LOXHD1: variants seen among roughly 807,000 people sequenced by gnomAD.
LOXHD1 encodes the protein lipoxygenase homology PLAT domains 1, also known as lipoxygenase homology domain-containing protein 1.
Under a neutral mutation model 248.2 loss-of-function variants are expected in LOXHD1, and 205 were observed. The ratio of observed to expected loss-of-function variants is 0.83; its 90% confidence interval spans 0.74 to 0.93. The LOEUF is 0.93. Among genes scored for constraint, LOXHD1 ranks in the 40% least tolerant of loss-of-function variants. The probability of loss-of-function intolerance (pLI) is 0.00; values close to 1 mark genes in which losing one functional copy is unlikely to be tolerated. For synonymous variants in LOXHD1, 1,113 were observed against 1,162.8 expected (o/e 0.96, Z 0.87); for missense variants, 2,930 against 2,971.6 (o/e 0.99, Z 0.33).
intron 34 of LOXHD1, among the ~76,000 whole-genome samples, chr18:46,513,537 G>T (rs544884669): frequency 2.2e-4 from 33 of 152,316 alleles, no homozygotes; most frequent in African/African-American, 7.5e-4. Flanking sequence ...AAAGAGGTGG[G>T]ATGTGAAGAT....
chr18:46,485,299 TG>T, intron 38 of LOXHD1, 148 bp from the exon 39 acceptor site: 1 of 824,772 alleles, frequency 1.2e-6, no homozygotes, highest in South Asian at 2.0e-5. Flanking sequence ...GCACCACGAT[TG>T]AGGCGTTGTA....
chr18:46,559,624 G>A (rs1158214284), intron 19 of LOXHD1, 22 bp from the exon 20 acceptor site: 2 of 1,550,364 alleles, frequency 1.3e-6, no homozygotes, highest in East Asian at 2.4e-5. Flanking sequence ...GAAAGATGCA[G>A]TGTGGAGGGC....
intron 4 of LOXHD1, among the ~76,000 whole-genome samples, chr18:46,622,810 G>A (rs1196591173): frequency 6.6e-6 from 1 of 152,194 alleles, no homozygotes; most frequent in African/African-American, 2.4e-5. Context: ...GAGGCGGCGT[G>A]GTCTGGGGTT....
Position 46,639,756 on chromosome 18 carries a change from T to G in LOXHD1, c.371A>C (p.Asp124Ala). Reference sequence around the variant, plus strand: ...CTTCATGTCGGTCACAATCACATGGTCCAGGTACCAGCTGGCATTCAAGCC... The same window carrying G: ...CTTCATGTCGGTCACAATCACATGGGCCAGGTACCAGCTGGCATTCAAGCC... ...NTGLNASWYL[D>A]HVIVTDMKRP... The change falls in exon 4 of 41, where the codon GAC becomes GCC. Residue 124 changes from aspartate (D) to alanine (A), a missense_variant. Asp to Ala is a moderately radical substitution (Grantham distance 126). Coordinates refer to ENST00000642948, the MANE Select transcript of LOXHD1 (RefSeq NM_001384474.1). 2 of 1,551,662 alleles carry G rather than the reference T, an allele frequency of 1.3e-6. No individual in the cohort carries two copies. The highest frequency in any genetic ancestry group is 1.7e-6 in the Non-Finnish European group (2 of 1,147,004).
At position 46,563,088 on chromosome 18, in the gene LOXHD1, G is replaced by T; in HGVS notation, c.2575C>A (p.Arg859=). ...ACCTGGAATGTGTCCTTGGACGCCC[G>T]TTCAAAAACTTTTGAGCGGCTGGAG... ...FLSSRSKVFE[R]ASKDTFQLEA... is the part of the protein sequence containing the mutation. The change falls in exon 18 of 41, where the codon CGG becomes AGG. Residue 859 remains arginine, a synonymous_variant. Transcript: ENST00000642948. 6.5e-7 allele frequency: 1 copy of T among 1,544,708 alleles called. No homozygotes were observed. Among genetic ancestry groups the T allele is most frequent in the Non-Finnish European group, 8.8e-7 (1 of 1,141,146 alleles).
intron 40 of LOXHD1, 100 bp from the exon 41 acceptor site, chr18:46,478,052 T>A: frequency 7.1e-7 from 1 of 1,402,264 alleles, no homozygotes; most frequent in Non-Finnish European, 9.5e-7. Flanking sequence ...AAATGATCCC[T>A]TCCCAAGGTG....
chr18:46,482,912 A>T (rs901370359), intron 40 of LOXHD1, among the ~76,000 whole-genome samples: 1 of 151,648 alleles, frequency 6.6e-6, no homozygotes, highest in South Asian at 2.1e-4. Flanking sequence ...TCCCCTTTCC[A>T]CCCTCCCCTG....
intron 37 of LOXHD1, among the ~76,000 whole-genome samples, chr18:46,500,961 A>G (rs1481412409): frequency 1.3e-5 from 2 of 152,050 alleles, no homozygotes; most frequent in Non-Finnish European, 2.9e-5. Flanking sequence ...CATCCTGTGG[A>G]CCTCCATTTT....
At chr18:46,631,912 A>G (rs1444059731) in intron 4 of LOXHD1, among the ~76,000 whole-genome samples, 2 of 152,112 alleles carry the variant, frequency 1.3e-5, no homozygotes, top group Non-Finnish European at 2.9e-5. Context: ...TCCACTTCCA[A>G]CGGGTCCCTT....
At chr18:46,544,741 C>A in intron 23 of LOXHD1, 1 of 459,450 alleles carries the variant, frequency 2.2e-6, no homozygotes, top group Non-Finnish European at 4.5e-6. Flanking sequence ...TCAGAGTCTC[C>A]ATGCTCTCTA....
At chr18:46,519,536 T>C (rs997164382) in intron 33 of LOXHD1, among the ~76,000 whole-genome samples, 5 of 152,182 alleles carry the variant, frequency 3.3e-5, no homozygotes, top group Non-Finnish European at 7.3e-5. Context: ...GAAGAGCCTC[T>C]TGCTTTACCA....
intron 37 of LOXHD1, among the ~76,000 whole-genome samples, chr18:46,495,632 C>T (rs1393260530): frequency 6.6e-6 from 1 of 152,126 alleles, no homozygotes; most frequent in African/African-American, 2.4e-5. Flanking sequence ...CATTGTATTC[C>T]TCACAGACTT....
chr18:46,616,082 T>C (rs889126089), intron 5 of LOXHD1, among the ~76,000 whole-genome samples: 1 of 152,212 alleles, frequency 6.6e-6, no homozygotes, highest in Non-Finnish European at 1.5e-5. Context: ...CTGTATCATA[T>C]ACTGTATTTA....
At chr18:46,477,130 T>A (rs1439116037), downstream of LOXHD1, 11 of 717,678 alleles carry the variant, frequency 1.5e-5, no homozygotes, top group East Asian at 1.3e-4. Flanking sequence ...AAATACACCA[T>A]CTTGATGGCC....
chr18:46,604,348 G>C, intron 6 of LOXHD1, 119 bp from the exon 7 acceptor site: 1 of 1,349,690 alleles, frequency 7.4e-7, no homozygotes, highest in Non-Finnish European at 1.0e-6. Flanking sequence ...TATCTGTTTC[G>C]TGGCCCAAGG....
chr18:46,520,178 C>T (rs553832084), intron 33 of LOXHD1: 25 of 459,996 alleles, frequency 5.4e-5, no homozygotes, highest in African/African-American at 1.0e-4. Context: ...CTCTAGCAGG[C>T]GAGAGGCAGG....
chr18:46,550,579 CAAAA>C (rs754046200), intron 21 of LOXHD1, among the ~76,000 whole-genome samples: 11 of 45,466 alleles, frequency 2.4e-4, no homozygotes, highest in South Asian at 1.3e-3. Context: ...GACTCCGTCT[CAAAA>C]AAAAAAAAAA....
intron 37 of LOXHD1, among the ~76,000 whole-genome samples, chr18:46,495,934 A>C (rs1220084157): frequency 6.6e-6 from 1 of 152,168 alleles, no homozygotes; most frequent in Non-Finnish European, 1.5e-5. Flanking sequence ...CAGGAGGCTA[A>C]GGCAGGAGAA....
At position 46,505,822 on chromosome 18, in the gene LOXHD1, C is replaced by T. The variant is rs145820589; in HGVS notation, c.5878+16G>A. 3.9e-6 allele frequency: 6 copies of T among 1,551,546 alleles called. No homozygotes were observed. Among genetic ancestry groups the T allele is most frequent in the Admixed American group, 3.9e-5 (2 of 51,006 alleles). On this transcript the variant is annotated intron_variant, in intron 37 of 40. Transcript: ENST00000642948. ...AGGGCTGCCCTCCCACCAACCTGGC[C>T]TTGAGTGGGAGCTACCTTTGTTGTC...
Sources: allele counts gnomAD v4.1 joint callset (sites outside exome capture counted in the v4.1 genomes callset), GRCh38; gene constraint gnomAD v4.1.1; transcripts MANE v1.5; gene names NCBI Gene and HGNC (gene_info 2026-07-23, HGNC 2026-07-21).